ADAMTS13: variants seen among roughly 807,000 people sequenced by gnomAD.
ADAMTS13 encodes A disintegrin and metalloproteinase with thrombospondin motifs 13.
In ADAMTS13, 110 loss-of-function variants were observed where a neutral mutation model predicts 155.1. That is an observed-to-expected ratio of 0.71 (90% CI 0.61 to 0.83). The LOEUF is 0.83. ADAMTS13 is among the 40% of genes least tolerant of loss of function. ADAMTS13 has a pLI of 0.00. For synonymous variants in ADAMTS13, 758 were observed against 756.4 expected (o/e 1.00, Z -0.03); for missense variants, 1,707 against 1,891.7 (o/e 0.90, Z 1.81).
In ADAMTS13 at chr9:133,456,759, TC is replaced by T; in HGVS notation, c.3724+42del. 1 of 1,550,410 alleles carries T rather than the reference TC, an allele frequency of 6.4e-7. No individual in the cohort carries two copies. Among genetic ancestry groups the T allele is most frequent in the Non-Finnish European group, 8.7e-7 (1 of 1,146,642 alleles). On this transcript the variant is annotated intron_variant, in intron 27 of 28. Coordinates refer to ENST00000355699, the MANE Select transcript of ADAMTS13 (RefSeq NM_139027.6). The surrounding 1 kb of genome is among the most constrained non-coding windows in gnomAD (Gnocchi z 4.4). ...TCTCCACCTCCCTTGGGTGCTCCAG[TC>T]CTGGCAGGGAGGCTGGGTGGGTGCT...
rs1842020934 is a variant in ADAMTS13 at position 133,445,771 on chromosome 9, C to T, written c.2683C>T (p.His895Tyr). 1 of 1,606,252 alleles carries T rather than the reference C, an allele frequency of 6.2e-7. No homozygotes were observed. Among genetic ancestry groups the T allele is most frequent in the Admixed American group, 1.7e-5 (1 of 59,744 alleles). ...CATCAGGACGGGGGCTCAAGCTGCA[C>T]ACGTGTGGACCCCTGCGGCAGGGTC... is the stretch of plus-strand genomic sequence containing the variant. ...GSIRTGAQAA[H>Y]VWTPAAGSCS... Residue 895 changes from histidine (H) to tyrosine (Y), a missense_variant, in exon 21 of 29, where the codon CAC (histidine) becomes TAC (tyrosine). Around this residue, in one of 3 missense-constraint regions of ADAMTS13, gnomAD observed 961 missense variants for 1,107.9 expected, o/e 0.87. Coordinates refer to ENST00000355699, the MANE Select transcript of ADAMTS13 (RefSeq NM_139027.6). This position sits in a 1 kb window ranked among gnomAD's most constrained non-coding sequence, Gnocchi z 5.0.
chr9:133,432,054 G>A (rs1259318567), intron 8 of ADAMTS13, among the ~76,000 whole-genome samples: 1 of 152,154 alleles, frequency 6.6e-6, no homozygotes, highest in Non-Finnish European at 1.5e-5. Context: ...ACCTGAGGTC[G>A]GGAGTTTGAG....
intron 7 of ADAMTS13, among the ~76,000 whole-genome samples, chr9:133,429,535 T>C (rs1326085925): frequency 1.1e-4 from 3 of 26,510 alleles, no homozygotes; most frequent in Non-Finnish European, 2.0e-4. Flanking sequence ...CTTCACCCCC[T>C]TACCCTTCGT....
chr9:133,436,776 A>AGGGGGGGGGGGGGG, intron 11 of ADAMTS13, 53 bp from the exon 12 acceptor site: 3 of 715,604 alleles, frequency 4.2e-6, no homozygotes, highest in Non-Finnish European at 4.5e-6. Context: ...CCCAGTGACA[A>AGGGGGGGGGGGGGG]CACCCGCCCC....
intron 28 of ADAMTS13, 43 bp from the exon 29 acceptor site, chr9:133,458,931 A>C: frequency 1.3e-6 from 2 of 1,566,884 alleles, no homozygotes; most frequent in Non-Finnish European, 1.7e-6. Context: ...AGTGCTAATT[A>C]TTACTTGTGG....
chr9:133,424,454 C>G lies in ADAMTS13; in HGVS notation c.306C>G (p.Arg102=), dbSNP rs781864642. ...VFQAHQEDTE[R]YVLTNLNIGA... is the part of the protein sequence containing the mutation. ...AGGCTCACCAGGAGGACACAGAGCGCTATGTGCTCACCAACCTCAACATCG... is the reference window on the plus strand; with the variant it reads ...AGGCTCACCAGGAGGACACAGAGCGGTATGTGCTCACCAACCTCAACATCG... Residue 102 remains arginine (R), a synonymous_variant, in exon 3 of 29, where the codon CGC becomes CGG. Coordinates refer to ENST00000355699, the MANE Select transcript of ADAMTS13 (RefSeq NM_139027.6). This position sits in a 1 kb window ranked among gnomAD's most constrained non-coding sequence, Gnocchi z 4.3. 1 of 1,613,760 alleles carries G rather than the reference C, an allele frequency of 6.2e-7. No individual in the cohort carries two copies. The highest frequency in any genetic ancestry group is 1.3e-5 in the African/African-American group (1 of 74,906).
In ADAMTS13 at chr9:133,437,893, G is replaced by A; in HGVS notation, c.1580G>A (p.Cys527Tyr). 6.2e-7 allele frequency: 1 copy of A among 1,613,486 alleles called. No homozygotes were observed. The highest frequency in any genetic ancestry group is 1.7e-5 in the Admixed American group (1 of 60,028). ...GTLSLCVSGS[C>Y]RTFGCDGRMD... ...CTGAGCCTGTGTGTGTCGGGCAGCT[G>A]CAGGGTAGGCGTGTGTGGACATTGG... The change falls in exon 13 of 29, where the codon TGC becomes TAC. Residue 527 changes from cysteine (C) to tyrosine (Y), a missense_variant. Cys to Tyr is a radical substitution (Grantham distance 194, BLOSUM62 -2). Around this residue, in one of 3 missense-constraint regions of ADAMTS13, gnomAD observed 733 missense variants for 749.6 expected, o/e 0.98. Coordinates refer to ENST00000355699, the MANE Select transcript of ADAMTS13 (RefSeq NM_139027.6).
chr9:133,442,516 T>A lies in ADAMTS13; in HGVS notation c.2086T>A (p.Ser696Thr). Residue 696 changes from serine (S) to threonine (T), a missense_variant, in exon 17 of 29, where the codon TCG (serine) becomes ACG (threonine). This residue lies in a region of ADAMTS13 where 961 missense variants were observed against 1,107.9 expected (regional missense o/e 0.87). Coordinates refer to ENST00000355699, the MANE Select transcript of ADAMTS13 (RefSeq NM_139027.6). ...WVWAAVRGPC[S>T]VSCGAGLRWV... The stretch of plus-strand genomic sequence containing the variant: ...GTGGGCCGCTGTGCGTGGGCCCTGC[T>A]CGGTGAGCTGTGGGGCAGGTGAGAC... 6.2e-7 allele frequency: 1 copy of A among 1,613,650 alleles called. No homozygotes were observed. Among genetic ancestry groups the A allele is most frequent in the South Asian group, 1.1e-5 (1 of 91,086 alleles).
At chr9:133,416,299 G>A (rs961711925) in intron 1 of ADAMTS13, among the ~76,000 whole-genome samples, 2 of 152,156 alleles carry the variant, frequency 1.3e-5, no homozygotes, top group African/African-American at 4.8e-5. Flanking sequence ...TCATTCATGA[G>A]GGATCTACCC....
At chr9:133,418,028 CCA>C, upstream of ADAMTS13, 1 of 604,662 alleles carries the variant, frequency 1.7e-6, no homozygotes, top group South Asian at 2.1e-5. Flanking sequence ...CACGCACGCT[CCA>C]GTCCCCGGAA....
chr9:133,447,576 T>C (rs1161568306), intron 21 of ADAMTS13, among the ~76,000 whole-genome samples: 1 of 150,028 alleles, frequency 6.7e-6, no homozygotes, highest in African/African-American at 2.5e-5. Context: ...CAAGAGATTT[T>C]TTTTCTTTTT....
chr9:133,432,782 A>G lies in ADAMTS13; in HGVS notation c.1092+90A>G, dbSNP rs587674052. 1.3e-4 allele frequency: 166 copies of G among 1,298,162 alleles called. No individual in the cohort carries two copies. The African/African-American group carries it at 2.3e-3, about 18-fold the overall frequency. The allele number at this position is 1,298,162 out of a possible 1,614,324, so 80.4% of individuals were successfully genotyped here. On this transcript the variant is annotated intron_variant, in intron 9 of 28. Transcript: ENST00000355699. ...CCGCCCTATTCCTAGGTCAGGAGGC[A>G]GGACCAGTATGGGGCAGAGAGTCTT... is the stretch of plus-strand genomic sequence containing the variant.
Position 133,425,795 on chromosome 9 carries a change from C to A in ADAMTS13, c.415-143C>A. 1 of 1,478,062 alleles carries A rather than the reference C, an allele frequency of 6.8e-7. No homozygotes were observed. Among genetic ancestry groups the A allele is most frequent in the Non-Finnish European group, 9.2e-7 (1 of 1,090,830 alleles). 91.6% of individuals were successfully genotyped at this position (1,478,062 alleles called of 1,614,324 possible). A position where few individuals can be genotyped will look rare whatever the true frequency, so the allele number is the denominator to read the frequency against. The stretch of plus-strand genomic sequence containing the variant: ...GCACTCAGCACAGGCTGCCTGACTA[C>A]TTCTCTGAGCCTCAGTTGTCTCATC... On this transcript the variant is annotated intron_variant, in intron 4 of 28. Coordinates refer to ENST00000355699, the MANE Select transcript of ADAMTS13 (RefSeq NM_139027.6). This position sits in a 1 kb window ranked among gnomAD's most constrained non-coding sequence, Gnocchi z 4.6.
chr9:133,445,185 G>C lies in ADAMTS13; in HGVS notation c.2610+133G>C. 9.4e-7 allele frequency: 1 copy of C among 1,058,318 alleles called. No individual in the cohort carries two copies. Among genetic ancestry groups the C allele is most frequent in the African/African-American group, 1.6e-5 (1 of 63,668 alleles). 65.6% of individuals were successfully genotyped at this position (1,058,318 alleles called of 1,614,324 possible). ...ATCCTTCTGTGGGAATGCTGTCTGA[G>C]GGCCACCCCTGCTCAGAAAAGAAGC... On this transcript the variant is annotated intron_variant, in intron 20 of 28. Transcript: ENST00000355699. The surrounding 1 kb of genome is among the most constrained non-coding windows in gnomAD (Gnocchi z 5.0).
At chr9:133,448,874 C>A in intron 22 of ADAMTS13, 146 bp downstream of exon 22, 1 of 1,324,516 alleles carries the variant, frequency 7.5e-7, no homozygotes, top group South Asian at 1.3e-5. Flanking sequence ...CGCCCCATCC[C>A]CCTGCCTCAC....
rs1554784002 is a variant in ADAMTS13 at position 133,423,094 on chromosome 9, C to T, written c.106-7C>T. On this transcript the variant is annotated splice_polypyrimidine_tract_variant and splice_region_variant and intron_variant, in intron 1 of 28. Coordinates refer to ENST00000355699, the MANE Select transcript of ADAMTS13 (RefSeq NM_139027.6). ...CCCGGCCCCATCCATCTCTTTTTGT[C>T]TTGCAGAGTTGTCTTCAGGCTTTGG... is the stretch of plus-strand genomic sequence containing the variant. The T allele has an allele frequency of 6.2e-7, 1 of 1,613,776 alleles. No homozygotes were observed. Among genetic ancestry groups the T allele is most frequent in the Non-Finnish European group, 8.5e-7 (1 of 1,179,894 alleles).
intron 11 of ADAMTS13, among the ~76,000 whole-genome samples, chr9:133,434,833 C>G (rs1554788500): frequency 6.6e-6 from 1 of 152,182 alleles, no homozygotes; most frequent in East Asian, 1.9e-4. Context: ...TCCCTTCTGT[C>G]TCTGTGGATT....
At chr9:133,447,026 T>C (rs1554792850) in intron 21 of ADAMTS13, among the ~76,000 whole-genome samples, 1 of 152,140 alleles carries the variant, frequency 6.6e-6, no homozygotes, top group Non-Finnish European at 1.5e-5. Context: ...CCTGGCTAAT[T>C]TTTTGTTTAG....
chr9:133,423,187 C>T lies in ADAMTS13; in HGVS notation c.172+20C>T. 1.2e-6 allele frequency: 2 copies of T among 1,611,982 alleles called. No individual in the cohort carries two copies. ...TAAAAGGTACTTGTCCTGGTGTCTT[C>T]TCTCCCGGGGGGAGTTTCTCAGGAC... On this transcript the variant is annotated intron_variant, in intron 2 of 28. Coordinates refer to ENST00000355699, the MANE Select transcript of ADAMTS13 (RefSeq NM_139027.6).
Sources: gnomAD v4.1 joint callset for allele counts (sites outside exome capture counted in the v4.1 genomes callset) on GRCh38, gnomAD v4.1.1 for gene constraint, gnomAD v4.1.1 regional missense constraint, Gnocchi (gnomAD v3.1) non-coding constraint, MANE v1.5 for transcripts, NCBI Gene and HGNC (gene_info 2026-07-23, HGNC 2026-07-21) for gene names.